The following NELL1 variants were observed in gnomAD, a reference collection of about 807,000 sequenced individuals.
The protein encoded by NELL1 is neural EGFL like 1, also known as protein kinase C-binding protein NELL1.
Under a neutral mutation model 107.4 loss-of-function variants are expected in NELL1, and 76 were observed. That is an observed-to-expected ratio of 0.71 (90% CI 0.59 to 0.86). The LOEUF (loss-of-function observed/expected upper bound fraction) is 0.86. NELL1 is among the 40% of genes least tolerant of loss of function. The probability of loss-of-function intolerance (pLI) is 0.00; values close to 1 mark genes in which losing one functional copy is unlikely to be tolerated. For missense variants in NELL1, 1,024 were observed against 1,005.5 expected (o/e 1.02, Z -0.25); for synonymous variants, 353 against 341.2 (o/e 1.03, Z -0.38).
chr11:20,747,443 T>G (rs1400889982), intron 2 of NELL1, among the ~76,000 whole-genome samples: 2 of 152,164 alleles, frequency 1.3e-5, no homozygotes, highest in Non-Finnish European at 2.9e-5. Context: ...GAGATGGAAT[T>G]CAGATGTCTT....
At chr11:21,376,931 T>C (rs954911433) in intron 15 of NELL1, among the ~76,000 whole-genome samples, 17 of 152,136 alleles carry the variant, frequency 1.1e-4, no homozygotes, top group African/African-American at 4.1e-4. Context: ...ATTTATCAAC[T>C]CCAGAAGCCT....
chr11:21,167,796 C>G (rs1004741181), intron 13 of NELL1, among the ~76,000 whole-genome samples: 1 of 151,708 alleles, frequency 6.6e-6, no homozygotes, highest in Non-Finnish European at 1.5e-5. Flanking sequence ...GTCTCTTTCC[C>G]CATTGTTTCA....
chr11:21,110,115 T>G lies in NELL1; in HGVS notation c.1301-3474T>G, dbSNP rs536492499. Among the ~76,000 whole-genome samples, 16 of 152,282 alleles carry G rather than the reference T, an allele frequency of 1.1e-4. No individual in the cohort carries two copies. The East Asian group carries it at 2.5e-3, about 24-fold the overall frequency. On this transcript the variant is annotated intron_variant, in intron 12 of 19. Transcript: ENST00000357134. ...GCTTTTATATCTGGTGGTTACATGATGAAGAATAAGCAATGAAGGCAAGAT... is the reference window on the plus strand; with the variant it reads ...GCTTTTATATCTGGTGGTTACATGAGGAAGAATAAGCAATGAAGGCAAGAT...
intron 15 of NELL1, among the ~76,000 whole-genome samples, chr11:21,498,344 T>C (rs1855041230): frequency 1.1e-5 from 1 of 90,844 alleles, no homozygotes; most frequent in South Asian, 3.8e-4. Context: ...TATATATATA[T>C]ATACATATAT....
Position 21,494,860 on chromosome 11 carries a change from T to C in NELL1, c.1646-39514T>C, listed in dbSNP as rs535783607. ...TCAAAAAAGTTGTTCCTATTGACTT[T>C]TCTCCCATCATACATCAATATTTAT... On this transcript the variant is annotated intron_variant, in intron 15 of 19. Transcript: ENST00000357134. Among the ~76,000 whole-genome samples, 16 of 152,198 alleles carry C rather than the reference T, an allele frequency of 1.1e-4. No individual in the cohort carries two copies. The East Asian group carries it at 2.9e-3, about 28-fold the overall frequency.
At chr11:21,527,355 G>A (rs1317243794) in intron 15 of NELL1, among the ~76,000 whole-genome samples, 3 of 152,012 alleles carry the variant, frequency 2.0e-5, no homozygotes, top group Non-Finnish European at 2.9e-5. Flanking sequence ...TGAGCATCCC[G>A]AGTCTCTAGA....
chr11:21,083,318 A>G (rs1187501774), intron 12 of NELL1, among the ~76,000 whole-genome samples: 1 of 152,160 alleles, frequency 6.6e-6, no homozygotes, highest in Non-Finnish European at 1.5e-5. Context: ...CAGAGGGTAT[A>G]GGGGTGTTTT....
intron 15 of NELL1, among the ~76,000 whole-genome samples, chr11:21,487,389 C>T (rs796706742): frequency 6.6e-6 from 1 of 152,100 alleles, no homozygotes; most frequent in Admixed American, 6.6e-5. Flanking sequence ...TAAAGTCTTT[C>T]CCAGAGAAGC....
intron 13 of NELL1, among the ~76,000 whole-genome samples, chr11:21,135,929 A>T (rs1855735409): frequency 6.6e-6 from 1 of 152,194 alleles, no homozygotes; most frequent in Non-Finnish European, 1.5e-5. Flanking sequence ...GTATTCTAGC[A>T]CGTGAGCCCC....
intron 11 of NELL1, among the ~76,000 whole-genome samples, chr11:20,953,995 C>T (rs2134206288): frequency 6.6e-6 from 1 of 152,262 alleles, no homozygotes; most frequent in South Asian, 2.1e-4. Flanking sequence ...ATTTGCTGTT[C>T]TTAGGAGGAC....
intron 12 of NELL1, among the ~76,000 whole-genome samples, chr11:21,071,029 T>C (rs75977818): frequency 0.01 from 1,530 of 152,314 alleles, 20 homozygotes; most frequent in African/African-American, 0.035. Context: ...TCCTACTTCA[T>C]ATAGTCCAGG....
intron 3 of NELL1, among the ~76,000 whole-genome samples, chr11:20,796,922 G>A (rs112890648): frequency 0.014 from 2,137 of 152,312 alleles, 63 homozygotes; most frequent in African/African-American, 0.048. Flanking sequence ...CAGCCAAGAT[G>A]AATGGAAGAG....
At chr11:21,216,076 C>T (rs1017921188) in intron 13 of NELL1, among the ~76,000 whole-genome samples, 6 of 152,086 alleles carry the variant, frequency 3.9e-5, no homozygotes, top group South Asian at 2.1e-4. Context: ...GGACTTTGTT[C>T]CTGATGCTCC....
intron 15 of NELL1, among the ~76,000 whole-genome samples, chr11:21,518,791 T>C (rs1032423449): frequency 1.3e-5 from 2 of 152,204 alleles, no homozygotes; most frequent in African/African-American, 4.8e-5. Flanking sequence ...TAACTAGATA[T>C]GTTGCCTTAT....
chr11:20,955,301 A>T (rs1268631971), intron 11 of NELL1, among the ~76,000 whole-genome samples: 1 of 152,228 alleles, frequency 6.6e-6, no homozygotes, highest in African/African-American at 2.4e-5. Flanking sequence ...GGTCATAAGT[A>T]GTGAGGCTGG....
chr11:21,346,979 A>G (rs1304550020), intron 14 of NELL1, among the ~76,000 whole-genome samples: 1 of 152,208 alleles, frequency 6.6e-6, no homozygotes, highest in Non-Finnish European at 1.5e-5. Context: ...TGCCTGATCC[A>G]TATAAAGTGC....
intron 4 of NELL1, among the ~76,000 whole-genome samples, chr11:20,862,896 T>C (rs1590358431): frequency 6.6e-6 from 1 of 152,134 alleles, no homozygotes; most frequent in African/African-American, 2.4e-5. Flanking sequence ...ACACAGCACA[T>C]GTTTCAGAGA....
chr11:21,099,236 C>T (rs1407174522), intron 12 of NELL1, among the ~76,000 whole-genome samples: 2 of 149,564 alleles, frequency 1.3e-5, no homozygotes, highest in Non-Finnish European at 3.0e-5. Flanking sequence ...CACACACAAA[C>T]ACACACACAC....
At chr11:20,787,241 G>T (rs1200301477) in intron 3 of NELL1, among the ~76,000 whole-genome samples, 2 of 151,938 alleles carry the variant, frequency 1.3e-5, no homozygotes, top group Non-Finnish European at 2.9e-5. Flanking sequence ...GATTTGTAAT[G>T]TAATGGCTGG....
Sources: allele counts gnomAD v4.1 joint callset (sites outside exome capture counted in the v4.1 genomes callset), GRCh38; gene constraint gnomAD v4.1.1; transcripts MANE v1.5; gene names NCBI Gene and HGNC (gene_info 2026-07-23, HGNC 2026-07-21).